The following PREX2 variants were observed in gnomAD, a reference collection of about 807,000 sequenced individuals.
The protein encoded by PREX2 is phosphatidylinositol 3,4,5-trisphosphate-dependent Rac exchanger 2 protein.
In PREX2, 107 loss-of-function variants were observed where a neutral mutation model predicts 203.2. That is an observed-to-expected ratio of 0.53 (90% CI 0.45 to 0.62). The LOEUF (loss-of-function observed/expected upper bound fraction) is 0.62, where lower values mean the gene tolerates loss of function less well. PREX2 is among the 20% of genes least tolerant of loss of function. PREX2 has a pLI of 0.00. For missense variants in PREX2, 1,777 were observed against 1,955.9 expected, an observed-to-expected ratio of 0.91 and a Z score of 1.72; for synonymous variants, 672 against 663.6, an observed-to-expected ratio of 1.01 and a Z score of -0.19.
At chr8:68,154,507 C>A (rs1373663867) in intron 34 of PREX2, among the ~76,000 whole-genome samples, 1 of 152,196 alleles carries the variant, frequency 6.6e-6, no homozygotes, top group Non-Finnish European at 1.5e-5. Flanking sequence ...AGTAATTTAT[C>A]TTGAAGTATG....
At position 68,096,224 on chromosome 8, in the gene PREX2, T is replaced by C. The variant is rs537817948; in HGVS notation, c.2369-793T>C. ...TTGAAAGGTAGATTGGTTCCTATAA[T>C]GCTCTGGAAATTGATTTGTAGCTAT... On this transcript the variant is annotated intron_variant, in intron 21 of 39. Coordinates refer to ENST00000288368, the MANE Select transcript of PREX2 (RefSeq NM_024870.4). Among the ~76,000 whole-genome samples the C allele has an allele frequency of 1.2e-4, 18 of 152,322 alleles. 1 individual carries two copies. The highest frequency in any genetic ancestry group is 4.3e-4 in the African/African-American group (18 of 41,578).
chr8:68,219,381 T>A (rs1021529383), intron 38 of PREX2, among the ~76,000 whole-genome samples: 1 of 152,128 alleles, frequency 6.6e-6, no homozygotes, highest in Non-Finnish European at 1.5e-5. Flanking sequence ...AAATACAATG[T>A]AAATTATATT....
chr8:68,096,289 T>A (rs1368731465), intron 21 of PREX2, among the ~76,000 whole-genome samples: 2 of 152,250 alleles, frequency 1.3e-5, no homozygotes, highest in Non-Finnish European at 2.9e-5. Flanking sequence ...AATATTCTAC[T>A]TTTGCCTATT....
chr8:68,066,156 C>T (rs1809010386), intron 11 of PREX2, among the ~76,000 whole-genome samples: 1 of 152,134 alleles, frequency 6.6e-6, no homozygotes, highest in African/African-American at 2.4e-5. Context: ...TCTTATCTTG[C>T]TATTGTGAGT....
At chr8:67,952,577 C>T (rs761436404) in intron 1 of PREX2, 42 bp downstream of exon 1, 2 of 1,587,314 alleles carry the variant, frequency 1.3e-6, no homozygotes, top group Admixed American at 3.5e-5. Flanking sequence ...CCGGGCGGCG[C>T]GGGGCGCGGG....
At chr8:68,005,182 C>CA (rs1807056729) in intron 1 of PREX2, among the ~76,000 whole-genome samples, 1 of 152,164 alleles carries the variant, frequency 6.6e-6, no homozygotes, top group African/African-American at 2.4e-5. Context: ...GTTGCTCGGG[C>CA]CCAAAATGTA....
chr8:68,074,614 T>C (rs1809292911), intron 14 of PREX2, among the ~76,000 whole-genome samples: 1 of 152,196 alleles, frequency 6.6e-6, no homozygotes, highest in Non-Finnish European at 1.5e-5. Context: ...GCAGAAATAG[T>C]AATGGAAGGA....
chr8:68,018,008 A>G (rs1807454641), intron 2 of PREX2, 91 bp downstream of exon 2: 1 of 880,836 alleles, frequency 1.1e-6, no homozygotes, highest in South Asian at 1.4e-5. Flanking sequence ...CCTTCAGTTG[A>G]TCGGCAGTTC....
At chr8:68,056,038 T>TC in intron 10 of PREX2, 64 bp downstream of exon 10, 1 of 1,470,818 alleles carries the variant, frequency 6.8e-7, no homozygotes, top group East Asian at 2.3e-5. Flanking sequence ...CTGTTAACTT[T>TC]CCTTCAATTA....
chr8:68,120,344 T>C, intron 29 of PREX2, 58 bp downstream of exon 29: 1 of 1,184,918 alleles, frequency 8.4e-7, no homozygotes, highest in South Asian at 1.2e-5. Context: ...TGGTAGACAA[T>C]ATAGTCATGA....
rs542484066 is a variant in PREX2 at position 68,068,889 on chromosome 8, G to A, written c.1340-144G>A. On this transcript the variant is annotated intron_variant, in intron 11 of 39. Coordinates refer to ENST00000288368, the MANE Select transcript of PREX2 (RefSeq NM_024870.4). ...ATCTTGCTGTTAAAATACTCAATTGGTATTGCTGTGTTAGAAAAGCAAATG... is the reference window on the plus strand; with the variant it reads ...ATCTTGCTGTTAAAATACTCAATTGATATTGCTGTGTTAGAAAAGCAAATG... 534 of 434,424 alleles carry A rather than the reference G, an allele frequency of 1.2e-3. 1 individual carries two copies. Among genetic ancestry groups the A allele is most frequent in the Middle Eastern group, 2.4e-3 (4 of 1,692 alleles). The allele number at this position is 434,424 out of a possible 1,614,324, so 26.9% of individuals were successfully genotyped here.
At chr8:67,995,065 ACTTTC>A (rs1294081981) in intron 1 of PREX2, among the ~76,000 whole-genome samples, 1 of 151,638 alleles carries the variant, frequency 6.6e-6, no homozygotes, top group Admixed American at 6.6e-5. Context: ...ATTGTTCTCT[ACTTTC>A]CTTTTCTTTT....
chr8:67,974,139 A>G (rs1242406555), intron 1 of PREX2, among the ~76,000 whole-genome samples: 1 of 152,190 alleles, frequency 6.6e-6, no homozygotes. Context: ...GAAAGAGTGA[A>G]TTATTACTAA....
At chr8:68,075,882 A>G (rs981753284) in intron 14 of PREX2, among the ~76,000 whole-genome samples, 26 of 152,104 alleles carry the variant, frequency 1.7e-4, no homozygotes, top group Non-Finnish European at 8.8e-5. Context: ...CTTTATAGAC[A>G]GGTAGAATGT....
chr8:67,952,427 C>G lies in PREX2; in HGVS notation c.33C>G (p.Ala11=), dbSNP rs1270666789. 2.5e-6 allele frequency: 4 copies of G among 1,578,620 alleles called. No homozygotes were observed. The highest frequency in any genetic ancestry group is 3.6e-5 in the Admixed American group (2 of 55,184). The part of the protein sequence containing the change: MSEDSRGDSR[A]ESAKDLEKQL... ...AGGACAGCCGCGGAGACAGCCGCGCCGAGAGCGCCAAGGACCTGGAGAAGC... is the reference window on the plus strand; with the variant it reads ...AGGACAGCCGCGGAGACAGCCGCGCGGAGAGCGCCAAGGACCTGGAGAAGC... Residue 11 remains alanine (A), a synonymous_variant, in exon 1 of 40, where the codon GCC becomes GCG. Transcript: ENST00000288368.
chr8:68,128,034 G>T (rs952789752), intron 31 of PREX2, among the ~76,000 whole-genome samples: 1 of 151,768 alleles, frequency 6.6e-6, no homozygotes, highest in African/African-American at 2.4e-5. Flanking sequence ...TTATATGAAT[G>T]AAAAAAGGAA....
At position 68,232,239 on chromosome 8, in the gene PREX2, C is replaced by A. The variant is rs1384787789; in HGVS notation, c.*861C>A. On this transcript the variant is annotated 3_prime_UTR_variant, in exon 40 of 40. Transcript: ENST00000288368. ...AAAACTAAACCTTTAAGTTAGATAC[C>A]TAAAACTCTTAATTTTATGAAGGCT... 2.0e-5 allele frequency: 3 copies of A among 152,096 alleles called. No homozygotes were observed. The highest frequency in any genetic ancestry group is 2.9e-5 in the Non-Finnish European group (2 of 68,018). 9.4% of individuals were successfully genotyped at this position (152,096 alleles called of 1,614,324 possible). A position where few individuals can be genotyped will look rare whatever the true frequency, so the allele number is the denominator to read the frequency against.
At chr8:67,964,861 G>T (rs1338664569) in intron 1 of PREX2, among the ~76,000 whole-genome samples, 1 of 152,180 alleles carries the variant, frequency 6.6e-6, no homozygotes, top group Non-Finnish European at 1.5e-5. Flanking sequence ...ATTTTGGTCA[G>T]TTCCTATTTG....
intron 35 of PREX2, among the ~76,000 whole-genome samples, chr8:68,187,771 A>G (rs747871132): frequency 2.0e-5 from 3 of 152,168 alleles, no homozygotes; most frequent in Non-Finnish European, 4.4e-5. Flanking sequence ...ATATGAGGAT[A>G]GGAAATGCAA....
Sources: allele counts gnomAD v4.1 joint callset (sites outside exome capture counted in the v4.1 genomes callset), GRCh38; gene constraint gnomAD v4.1.1; transcripts MANE v1.5; gene names NCBI Gene and HGNC (gene_info 2026-07-23, HGNC 2026-07-21).